The following JMY variants were observed in gnomAD, a reference collection of about 807,000 sequenced individuals.
JMY encodes junction mediating and regulatory protein, p53 cofactor.
In JMY, 46 loss-of-function variants were observed where a neutral mutation model predicts 103.3. The observed-to-expected ratio is 0.45, with a 90% CI of 0.35 to 0.57. JMY has a LOEUF of 0.57. Among genes scored for constraint, JMY ranks in the 20% least tolerant of loss-of-function variants. JMY has a pLI of 0.00. For missense variants in JMY, 1,238 were observed against 1,255.2 expected (o/e 0.99, Z 0.21); for synonymous variants, 526 against 489.3 (o/e 1.07, Z -0.99).
In JMY at chr5:79,324,982, ATG is replaced by A. The variant is rs1747586884; in HGVS notation, c.*3386_*3387del. The A allele has an allele frequency of 6.5e-6, 1 of 152,716 alleles. No homozygotes were observed. The highest frequency in any genetic ancestry group is 1.5e-5 in the Non-Finnish European group (1 of 68,052). 9.5% of individuals were successfully genotyped at this position (152,716 alleles called of 1,614,324 possible). ...TGGCATGGCCACTTTATATCACAGA[ATG>A]TGTGTCAAGTTGCAAAGCATACTTG... On this transcript the variant is annotated 3_prime_UTR_variant, in exon 11 of 11. Coordinates refer to ENST00000396137, the MANE Select transcript of JMY (RefSeq NM_152405.5).
At chr5:79,239,123 G>A (rs1330025755) in intron 1 of JMY, among the ~76,000 whole-genome samples, 5 of 152,102 alleles carry the variant, frequency 3.3e-5, no homozygotes, top group Non-Finnish European at 4.4e-5. Flanking sequence ...GAGTATTTAA[G>A]AAATGTTTGT....
At chr5:79,274,522 C>T (rs1349716586) in intron 1 of JMY, among the ~76,000 whole-genome samples, 2 of 152,096 alleles carry the variant, frequency 1.3e-5, no homozygotes, top group East Asian at 1.9e-4. Flanking sequence ...ATTCTCCTGC[C>T]TCAGCCTCCC....
intron 10 of JMY, among the ~76,000 whole-genome samples, chr5:79,320,577 C>T (rs771415823): frequency 6.6e-6 from 1 of 152,132 alleles, no homozygotes; most frequent in Non-Finnish European, 1.5e-5. Context: ...TCCCAAAGTG[C>T]TGGGATTACA....
Position 79,324,105 on chromosome 5 carries a change from A to G in JMY, c.*2503A>G, listed in dbSNP as rs1411183508. ...TGGAGTTACTCACAAATAATAATAA[A>G]ATTTCAAATAACTAGGGTCTACTTG... is the stretch of plus-strand genomic sequence containing the variant. On this transcript the variant is annotated 3_prime_UTR_variant, in exon 11 of 11. Coordinates refer to ENST00000396137, the MANE Select transcript of JMY (RefSeq NM_152405.5). 6.6e-6 allele frequency: 1 copy of G among 152,044 alleles called. No individual in the cohort carries two copies. Among genetic ancestry groups the G allele is most frequent in the Non-Finnish European group, 1.5e-5 (1 of 68,030 alleles). 9.4% of individuals were successfully genotyped at this position (152,044 alleles called of 1,614,324 possible).
At chr5:79,313,142 T>C (rs1256869771) in intron 8 of JMY, among the ~76,000 whole-genome samples, 3 of 152,120 alleles carry the variant, frequency 2.0e-5, no homozygotes, top group African/African-American at 4.8e-5. Context: ...GGAAAAGCCT[T>C]GTTATTAAGT....
chr5:79,299,466 C>T (rs1422928416), intron 4 of JMY, among the ~76,000 whole-genome samples: 2 of 152,040 alleles, frequency 1.3e-5, no homozygotes, highest in Non-Finnish European at 2.9e-5. Context: ...TTTCCCACTC[C>T]AGCACCGAGA....
At chr5:79,315,932 G>A (rs1342346672) in intron 9 of JMY, 68 bp from the exon 10 acceptor site, 1 of 1,368,972 alleles carries the variant, frequency 7.3e-7, no homozygotes, top group Admixed American at 1.9e-5. Flanking sequence ...GAACGGTAGA[G>A]GTTATACAGT....
intron 1 of JMY, among the ~76,000 whole-genome samples, chr5:79,266,808 G>A (rs1042486204): frequency 1.3e-5 from 2 of 152,060 alleles, no homozygotes; most frequent in Non-Finnish European, 2.9e-5. Flanking sequence ...CCAAAAAACC[G>A]CCTGTTAACA....
chr5:79,244,345 T>TA (rs958704160), intron 1 of JMY, among the ~76,000 whole-genome samples: 3 of 152,182 alleles, frequency 2.0e-5, no homozygotes, highest in Non-Finnish European at 4.4e-5. Context: ...TCCTCCTTGC[T>TA]AAAATGAGGT....
In JMY at chr5:79,237,685, G is replaced by T. The variant is rs1340527624; in HGVS notation, c.1032+3G>T. ...GGGCCAGGAAGCGCATCCAGGAGGT[G>T]AGTGAGTGAGCTCCTAGTCTGGGCT... On this transcript the variant is annotated splice_donor_region_variant and intron_variant, in intron 1 of 10. Transcript: ENST00000396137. 6.2e-7 allele frequency: 1 copy of T among 1,608,852 alleles called. No homozygotes were observed. The highest frequency in any genetic ancestry group is 2.2e-5 in the East Asian group (1 of 44,766).
chr5:79,236,643 G>T lies in JMY; in HGVS notation c.-8G>T. 1 of 1,389,798 alleles carries T rather than the reference G, an allele frequency of 7.2e-7. No individual in the cohort carries two copies. The highest frequency in any genetic ancestry group is 1.7e-5 in the South Asian group (1 of 59,204). 86.1% of individuals were successfully genotyped at this position (1,389,798 alleles called of 1,614,324 possible). A position where few individuals can be genotyped will look rare whatever the true frequency, so the allele number is the denominator to read the frequency against. Reference sequence around the variant, plus strand: ...GGCCCTTCCCCGCGGCGAGAAGCCGGAGCCACCATGTCGTTCGCGCTGGAG... The same window carrying T: ...GGCCCTTCCCCGCGGCGAGAAGCCGTAGCCACCATGTCGTTCGCGCTGGAG... On this transcript the variant is annotated 5_prime_UTR_variant, in exon 1 of 11. Coordinates refer to ENST00000396137, the MANE Select transcript of JMY (RefSeq NM_152405.5).
At chr5:79,292,165 A>G (rs1746442259) in intron 4 of JMY, among the ~76,000 whole-genome samples, 1 of 152,126 alleles carries the variant, frequency 6.6e-6, no homozygotes, top group Non-Finnish European at 1.5e-5. Context: ...CATGGATTTC[A>G]TCCCCATCTC....
intron 7 of JMY, among the ~76,000 whole-genome samples, chr5:79,309,593 A>G (rs780152769): frequency 6.6e-6 from 1 of 152,184 alleles, no homozygotes; most frequent in Admixed American, 6.5e-5. Flanking sequence ...TGTCTTTAGC[A>G]TCATACTAAA....
chr5:79,314,948 T>G lies in JMY; in HGVS notation c.2659+97T>G, dbSNP rs942167764. ...GTTGCAAAGCTTAAAACACTTTATT[T>G]TTGACATTATTTGATAGTAAACAGG... On this transcript the variant is annotated intron_variant, in intron 9 of 10. Coordinates refer to ENST00000396137, the MANE Select transcript of JMY (RefSeq NM_152405.5). The G allele has an allele frequency of 8.3e-6, 9 of 1,087,152 alleles. No individual in the cohort carries two copies. The African/African-American group carries it at 1.1e-4, about 13-fold the overall frequency. 67.3% of individuals were successfully genotyped at this position (1,087,152 alleles called of 1,614,324 possible).
chr5:79,321,171 G>A (rs565400694), intron 10 of JMY, among the ~76,000 whole-genome samples: 12 of 152,254 alleles, frequency 7.9e-5, no homozygotes, highest in Non-Finnish European at 1.2e-4. Flanking sequence ...CTTTGGGTAC[G>A]CCCCATAGAT....
At position 79,300,303 on chromosome 5, in the gene JMY, A is replaced by G. The variant is rs1035064758; in HGVS notation, c.1678A>G (p.Lys560Glu). The G allele has an allele frequency of 1.9e-6, 3 of 1,572,656 alleles. No individual in the cohort carries two copies. The highest frequency in any genetic ancestry group is 2.0e-5 in the Admixed American group (1 of 51,142). The change falls in exon 5 of 11, where the codon AAA becomes GAA. Residue 560 changes from lysine to glutamate, a missense_variant. Physicochemically the swap from Lys to Glu is moderately conservative, Grantham distance 56 (BLOSUM62 1). Coordinates refer to ENST00000396137, the MANE Select transcript of JMY (RefSeq NM_152405.5). ...LLLTAQLESI[K>E]RLISEKRDEV... ...ATTGACAGCGCAACTAGAAAGCATC[A>G]AAAGACTTATATCAGGTATGGCGTG... is the stretch of plus-strand genomic sequence containing the variant.
Position 79,289,778 on chromosome 5 carries a change from G to C in JMY, c.1207-343G>C, listed in dbSNP as rs539239940. ...GAAATAAACAATTTAAGTAATTTGG[G>C]GGGGGGCATAAATAAGTCTTAACCA... On this transcript the variant is annotated intron_variant, in intron 2 of 10. Coordinates refer to ENST00000396137, the MANE Select transcript of JMY (RefSeq NM_152405.5). Among the ~76,000 whole-genome samples the C allele has an allele frequency of 2.6e-5, 4 of 152,026 alleles. No individual in the cohort carries two copies. The South Asian group carries it at 8.3e-4, about 32-fold the overall frequency.
chr5:79,271,769 A>G (rs1383564935), intron 1 of JMY, among the ~76,000 whole-genome samples: 1 of 152,170 alleles, frequency 6.6e-6, no homozygotes, highest in Non-Finnish European at 1.5e-5. Flanking sequence ...GTATGTACAC[A>G]TATGATTGTT....
rs10514159 is a variant in JMY at position 79,300,221 on chromosome 5, T to C, written c.1596T>C (p.Asp532=). 980,338 of 1,608,264 alleles carry C rather than the reference T, an allele frequency of 0.61. 303,920 individuals are homozygous for C. Among genetic ancestry groups the C allele is most frequent in the African/African-American group, 0.89 (66,802 of 74,676 alleles). ...ATCAGTTAGAAGCTGATTATTATGA[T>C]CTGCAACTTCAGTTGTATGAAGTAC... ...RLDQLEADYY[D]LQLQLYEVQF... Residue 532 remains aspartate (D), a synonymous_variant, in exon 5 of 11, where the codon GAT becomes GAC. Transcript: ENST00000396137.
Sources: allele counts gnomAD v4.1 joint callset (sites outside exome capture counted in the v4.1 genomes callset), GRCh38; gene constraint gnomAD v4.1.1; transcripts MANE v1.5; gene names NCBI Gene and HGNC (gene_info 2026-07-23, HGNC 2026-07-21).